KCND2: variants seen among roughly 807,000 people sequenced by gnomAD.
The protein encoded by KCND2 is potassium voltage-gated channel subfamily D member 2, also known as A-type voltage-gated potassium channel KCND2.
Under a neutral mutation model 54.4 loss-of-function variants are expected in KCND2, and 16 were observed. That is an observed-to-expected ratio of 0.29 (90% confidence interval 0.20 to 0.45). KCND2 has a LOEUF of 0.45. Ranked by LOEUF, KCND2 falls within the 20% of genes least tolerant of loss-of-function variation. KCND2 has a pLI of 1.00. For missense variants in KCND2, 486 were observed against 824.2 expected (o/e 0.59, Z 5.02); for synonymous variants, 317 against 310.7 (o/e 1.02, Z -0.21).
chr7:120,690,228 A>G (rs1189533866), intron 1 of KCND2, among the ~76,000 whole-genome samples: 1 of 152,196 alleles, frequency 6.6e-6, no homozygotes, highest in Middle Eastern at 3.2e-3. Flanking sequence ...TGACACAAAT[A>G]TAAGGCATAC....
At position 120,749,974 on chromosome 7, in the gene KCND2, C is replaced by A. The variant is rs1426085942; in HGVS notation, c.*2116C>A. ...TCTTAATATTACATACAAGAAAATG[C>A]AGTTAGGTTATTTCAATTGACAATT... is the stretch of plus-strand genomic sequence containing the variant. On this transcript the variant is annotated 3_prime_UTR_variant, in exon 6 of 6. Coordinates refer to ENST00000331113, the MANE Select transcript of KCND2 (RefSeq NM_012281.3). 6.6e-6 allele frequency: 1 copy of A among 151,758 alleles called. No individual in the cohort carries two copies. The highest frequency in any genetic ancestry group is 1.9e-4 in the East Asian group (1 of 5,192). 9.4% of individuals were successfully genotyped at this position (151,758 alleles called of 1,614,324 possible). A position where few individuals can be genotyped will look rare whatever the true frequency, so the allele number is the denominator to read the frequency against.
At chr7:120,652,169 G>A (rs1002319847) in intron 1 of KCND2, among the ~76,000 whole-genome samples, 6 of 151,920 alleles carry the variant, frequency 3.9e-5, no homozygotes, top group East Asian at 1.9e-4. Flanking sequence ...TCCGCCTCCC[G>A]GGTTCAAGTG....
chr7:120,587,021 G>T (rs1248151362), intron 1 of KCND2, among the ~76,000 whole-genome samples: 1 of 151,924 alleles, frequency 6.6e-6, no homozygotes, highest in Non-Finnish European at 1.5e-5. Flanking sequence ...TCCAAATAGG[G>T]ATTTTAAATT....
intron 1 of KCND2, among the ~76,000 whole-genome samples, chr7:120,582,940 C>CTGTGTGTGTATGTGTG (rs1491542367): frequency 5.4e-5 from 7 of 129,382 alleles, no homozygotes; most frequent in African/African-American, 1.6e-4. Flanking sequence ...GTTTGCATTG[C>CTGTGTGTGTATGTGTG]TCTGTGTGTG....
intron 1 of KCND2, among the ~76,000 whole-genome samples, chr7:120,513,670 G>A (rs190663678): frequency 2.6e-4 from 39 of 151,404 alleles, no homozygotes; most frequent in African/African-American, 9.0e-4. Context: ...TGAGAGTTTG[G>A]TTTGTTGATT....
chr7:120,327,294 T>A (rs1013172101), intron 1 of KCND2, among the ~76,000 whole-genome samples: 1 of 152,090 alleles, frequency 6.6e-6, no homozygotes, highest in African/African-American at 2.4e-5. Flanking sequence ...ACCTTTCAGA[T>A]GTAGATGTGC....
intron 1 of KCND2, among the ~76,000 whole-genome samples, chr7:120,400,805 C>G (rs1427500797): frequency 1.3e-5 from 2 of 151,998 alleles, no homozygotes; most frequent in Non-Finnish European, 2.9e-5. Flanking sequence ...TCATTTGGAG[C>G]AAAGATCACT....
chr7:120,538,149 AT>A (rs1318364994), intron 1 of KCND2, among the ~76,000 whole-genome samples: 1 of 152,154 alleles, frequency 6.6e-6, no homozygotes, highest in Non-Finnish European at 1.5e-5. Flanking sequence ...CTGAATAATA[AT>A]TTCAATATCA....
chr7:120,745,785 C>G lies in KCND2; in HGVS notation c.1473C>G (p.His491Gln), dbSNP rs145422660. 6.2e-7 allele frequency: 1 copy of G among 1,613,586 alleles called. No individual in the cohort carries two copies. The highest frequency in any genetic ancestry group is 1.7e-5 in the Admixed American group (1 of 59,972). The stretch of plus-strand genomic sequence containing the variant: ...TACTTACAACTGTGGAACAGAATCA[C>G]GAGTTTGTGGACGAACAAGTCTTTG... ...LLHCLEKTTN[H>Q]EFVDEQVFEE... Residue 491 changes from histidine (H) to glutamine (Q), a missense_variant, in exon 5 of 6, where the codon CAC becomes CAG. Coordinates refer to ENST00000331113, the MANE Select transcript of KCND2 (RefSeq NM_012281.3).
At chr7:120,380,688 A>G (rs1800905530) in intron 1 of KCND2, among the ~76,000 whole-genome samples, 1 of 152,002 alleles carries the variant, frequency 6.6e-6, no homozygotes, top group Admixed American at 6.6e-5. Flanking sequence ...TCTGAGAAAA[A>G]TATCCAGTTG....
intron 1 of KCND2, among the ~76,000 whole-genome samples, chr7:120,558,168 T>C (rs1313339359): frequency 3.3e-5 from 5 of 152,176 alleles, no homozygotes; most frequent in Non-Finnish European, 7.4e-5. Flanking sequence ...TCATATAGCT[T>C]GAAAATCAAC....
intron 1 of KCND2, among the ~76,000 whole-genome samples, chr7:120,339,767 G>A (rs1439594056): frequency 6.6e-6 from 1 of 152,128 alleles, no homozygotes; most frequent in Non-Finnish European, 1.5e-5. Context: ...AGAGCAGAGG[G>A]AAGGGAAGGG....
In KCND2 at chr7:120,713,196, C is replaced by T. The variant is rs138121453; in HGVS notation, c.1116-19707C>T. Among the ~76,000 whole-genome samples the T allele has an allele frequency of 4.4e-3, 667 of 152,238 alleles. 5 individuals are homozygous for T. Among genetic ancestry groups the T allele is most frequent in the African/African-American group, 0.015 (640 of 41,558 alleles). ...TGTTTAGCCAAGGAGGACTAAAGCT[C>T]AGCCCTTTATAAGAGAAGCTCCTAG... On this transcript the variant is annotated intron_variant, in intron 1 of 5. Coordinates refer to ENST00000331113, the MANE Select transcript of KCND2 (RefSeq NM_012281.3).
chr7:120,643,364 G>A (rs186964000), intron 1 of KCND2, among the ~76,000 whole-genome samples: 4 of 152,136 alleles, frequency 2.6e-5, no homozygotes, highest in African/African-American at 7.2e-5. Flanking sequence ...TTATCATATG[G>A]TATTGAAAAC....
At chr7:120,470,506 C>T (rs1802438552) in intron 1 of KCND2, among the ~76,000 whole-genome samples, 1 of 151,992 alleles carries the variant, frequency 6.6e-6, no homozygotes, top group African/African-American at 2.4e-5. Context: ...TATCATTTTT[C>T]CTAATTTAAC....
chr7:120,486,346 A>G (rs73435894), intron 1 of KCND2, among the ~76,000 whole-genome samples: 7,991 of 152,162 alleles, frequency 0.053, 727 homozygotes, highest in African/African-American at 0.18. Context: ...CTGAGCCTTC[A>G]GGGGGTGGGA....
chr7:120,309,235 G>A (rs1322064294), intron 1 of KCND2, among the ~76,000 whole-genome samples: 3 of 151,882 alleles, frequency 2.0e-5, no homozygotes, highest in African/African-American at 4.8e-5. Context: ...ATCGCTCTTC[G>A]CAGATTCTGG....
rs141713365 is a variant in KCND2 at position 120,634,768 on chromosome 7, G to A, written c.1116-98135G>A. On this transcript the variant is annotated intron_variant, in intron 1 of 5. Transcript: ENST00000331113. ...TAAAACCCTCTAGTAGTATTCCACT[G>A]GTCTTAGGGTAAAGTCCAAAGTCCT... Among the ~76,000 whole-genome samples the A allele has an allele frequency of 9.2e-5, 14 of 152,270 alleles. No individual in the cohort carries two copies. In the East Asian group the frequency reaches 2.7e-3, roughly 29 times the overall value.
At chr7:120,475,215 T>C (rs1285467395) in intron 1 of KCND2, among the ~76,000 whole-genome samples, 1 of 152,192 alleles carries the variant, frequency 6.6e-6, no homozygotes, top group African/African-American at 2.4e-5. Flanking sequence ...AAGAGGTAAT[T>C]ATATTTCTCA....
Sources: allele counts gnomAD v4.1 joint callset (sites outside exome capture counted in the v4.1 genomes callset), GRCh38; gene constraint gnomAD v4.1.1; transcripts MANE v1.5; gene names NCBI Gene and HGNC (gene_info 2026-07-23, HGNC 2026-07-21).